Variants in SRGAP1 observed in about 807,000 individuals in gnomAD.
SRGAP1 encodes the protein SLIT-ROBO Rho GTPase-activating protein 1.
Under a neutral mutation model 121.9 loss-of-function variants are expected in SRGAP1, and 43 were observed. The ratio of observed to expected loss-of-function variants is 0.35; its 90% CI spans 0.28 to 0.46. The LOEUF (loss-of-function observed/expected upper bound fraction) is 0.46. Ranked by LOEUF, SRGAP1 falls within the 20% of genes least tolerant of loss-of-function variation. SRGAP1 has a pLI of 1.00. For missense variants in SRGAP1, 1,102 were observed against 1,350.9 expected (o/e 0.82, Z 2.89); for synonymous variants, 447 against 485.4 (o/e 0.92, Z 1.04).
intron 11 of SRGAP1, among the ~76,000 whole-genome samples, chr12:64,090,384 C>T (rs1167397317): frequency 6.6e-6 from 1 of 152,164 alleles, no homozygotes; most frequent in Non-Finnish European, 1.5e-5. Flanking sequence ...ATAGTTTGTT[C>T]TAAAGAAATA....
rs1380341973 is a variant in SRGAP1, at chr12:64,149,132, T to G, written c.*6460T>G. 1.3e-5 allele frequency: 2 copies of G among 152,226 alleles called. No individual in the cohort carries two copies. The highest frequency in any genetic ancestry group is 3.9e-4 in the East Asian group (2 of 5,186). The allele number at this position is 152,226 out of a possible 1,614,324, so 9.4% of individuals were successfully genotyped here. A position where few individuals can be genotyped will look rare whatever the true frequency, so the allele number is the denominator to read the frequency against. ...TCCTGATTAAACTTTGGGTAGTATA[T>G]GCAGATATCTTTAAACATGGAGAAA... is the stretch of plus-strand genomic sequence containing the variant. On this transcript the variant is annotated 3_prime_UTR_variant, in exon 22 of 22. Coordinates refer to ENST00000355086, the MANE Select transcript of SRGAP1 (RefSeq NM_020762.4).
chr12:63,861,045 G>A (rs1000720437), intron 1 of SRGAP1, among the ~76,000 whole-genome samples: 2 of 150,724 alleles, frequency 1.3e-5, no homozygotes, highest in South Asian at 4.2e-4. Flanking sequence ...CCTTTTTAAG[G>A]TTTGTATTTA....
At chr12:63,894,351 T>G (rs1021349007) in intron 1 of SRGAP1, among the ~76,000 whole-genome samples, 2 of 152,042 alleles carry the variant, frequency 1.3e-5, no homozygotes, top group African/African-American at 4.8e-5. Context: ...ACTCTCACAC[T>G]CTCCCCCTCC....
chr12:63,845,191 A>G (rs1898862768), intron 1 of SRGAP1, among the ~76,000 whole-genome samples: 1 of 152,244 alleles, frequency 6.6e-6, no homozygotes, highest in African/African-American at 2.4e-5. Flanking sequence ...GGAAGCAGGC[A>G]GCAGTGGAGG....
intron 15 of SRGAP1, among the ~76,000 whole-genome samples, chr12:64,102,000 A>G (rs1257535772): frequency 4.6e-5 from 7 of 152,232 alleles, no homozygotes; most frequent in Admixed American, 1.3e-4. Context: ...CCAAAATTCC[A>G]TAATTCCACT....
rs143852760 is a variant in SRGAP1 at position 64,003,642 on chromosome 12, G to A, written c.427-13308G>A. Among the ~76,000 whole-genome samples, 548 of 152,094 alleles carry A rather than the reference G, an allele frequency of 3.6e-3. 1 individual carries two copies. Among genetic ancestry groups the A allele is most frequent in the Non-Finnish European group, 6.3e-3 (428 of 67,998 alleles). On this transcript the variant is annotated intron_variant, in intron 3 of 21. Transcript: ENST00000355086. ...AAGGTAGTGTAACAGATATTACCTG[G>A]TCTGAACAACAGAGAGAAAAAATAT...
chr12:64,077,478 A>G (rs1354885458), intron 8 of SRGAP1, among the ~76,000 whole-genome samples: 1 of 148,864 alleles, frequency 6.7e-6, no homozygotes, highest in Non-Finnish European at 1.5e-5. Flanking sequence ...TAATATTTAT[A>G]TATATTCTAT....
In SRGAP1 at chr12:64,161,379, T is replaced by G. The variant is rs2136671690; in HGVS notation, c.*18707T>G. 1 of 152,296 alleles carries G rather than the reference T, an allele frequency of 6.6e-6. No individual in the cohort carries two copies. Among genetic ancestry groups the G allele is most frequent in the South Asian group, 2.1e-4 (1 of 4,820 alleles). 9.4% of individuals were successfully genotyped at this position (152,296 alleles called of 1,614,324 possible). A position where few individuals can be genotyped will look rare whatever the true frequency, so the allele number is the denominator to read the frequency against. ...TAATTTTACTAATTTTCCTCCAGTTTTTCATCTATTTGACTTTTTGCTCTA... is the reference window on the plus strand; with the variant it reads ...TAATTTTACTAATTTTCCTCCAGTTGTTCATCTATTTGACTTTTTGCTCTA... On this transcript the variant is annotated 3_prime_UTR_variant, in exon 22 of 22. Coordinates refer to ENST00000355086, the MANE Select transcript of SRGAP1 (RefSeq NM_020762.4).
At chr12:64,047,535 T>C (rs2035154493) in intron 6 of SRGAP1, among the ~76,000 whole-genome samples, 3 of 152,274 alleles carry the variant, frequency 2.0e-5, no homozygotes, top group Admixed American at 6.5e-5. Context: ...ATGCACAGCA[T>C]TTTGTATGTG....
At chr12:63,945,908 A>AG (rs1436115773) in intron 1 of SRGAP1, among the ~76,000 whole-genome samples, 1 of 151,958 alleles carries the variant, frequency 6.6e-6, no homozygotes, top group East Asian at 1.9e-4. Context: ...GGACTGCAGC[A>AG]TCCTCTGCAA....
intron 1 of SRGAP1, among the ~76,000 whole-genome samples, chr12:63,941,529 A>T (rs2031867902): frequency 6.6e-6 from 1 of 152,194 alleles, no homozygotes; most frequent in Non-Finnish European, 1.5e-5. Flanking sequence ...CTAAAATTGT[A>T]ACTGGGATTT....
intron 3 of SRGAP1, among the ~76,000 whole-genome samples, chr12:64,006,972 G>C (rs1682731532): frequency 6.6e-6 from 1 of 152,036 alleles, no homozygotes. Flanking sequence ...ATCTAATCCT[G>C]ATTCATAGAT....
chr12:64,084,120 G>C (rs2035896923), intron 10 of SRGAP1, among the ~76,000 whole-genome samples: 1 of 152,130 alleles, frequency 6.6e-6, no homozygotes, highest in Non-Finnish European at 1.5e-5. Context: ...CACATTTTAA[G>C]TATTTTATCT....
At position 63,972,838 on chromosome 12, in the gene SRGAP1, G is replaced by C. The variant is rs145914494; in HGVS notation, c.68-11109G>C. On this transcript the variant is annotated intron_variant, in intron 1 of 21. Coordinates refer to ENST00000355086, the MANE Select transcript of SRGAP1 (RefSeq NM_020762.4). Reference sequence around the variant, plus strand: ...TTTTAAAAAATCTGAATTTTGGAGAGTTCTTTTGGCTTTAAGTAAATGATA... The same window carrying C: ...TTTTAAAAAATCTGAATTTTGGAGACTTCTTTTGGCTTTAAGTAAATGATA... Among the ~76,000 whole-genome samples the C allele has an allele frequency of 5.3e-3, 804 of 152,154 alleles. 5 individuals carry two copies. Among genetic ancestry groups the C allele is most frequent in the African/African-American group, 0.018 (736 of 41,516 alleles).
intron 6 of SRGAP1, among the ~76,000 whole-genome samples, chr12:64,052,702 G>C (rs1195984959): frequency 6.6e-6 from 1 of 152,022 alleles, no homozygotes; most frequent in African/African-American, 2.4e-5. Flanking sequence ...CAATATACTT[G>C]TACCTGCCAA....
intron 1 of SRGAP1, among the ~76,000 whole-genome samples, chr12:63,880,526 A>G (rs1592909845): frequency 6.6e-6 from 1 of 152,054 alleles, no homozygotes; most frequent in Non-Finnish European, 1.5e-5. Flanking sequence ...GAGCCACCAC[A>G]CCCAGCCAAA....
chr12:63,946,357 A>G (rs9668851), intron 1 of SRGAP1, among the ~76,000 whole-genome samples: 3,666 of 149,932 alleles, frequency 0.024, 145 homozygotes, highest in African/African-American at 0.086. Flanking sequence ...TTTAAAGTGT[A>G]CAATTTGATG....
intron 1 of SRGAP1, among the ~76,000 whole-genome samples, chr12:63,874,529 A>T (rs1201269627): frequency 6.6e-6 from 1 of 152,306 alleles, no homozygotes; most frequent in East Asian, 1.9e-4. Context: ...AAGAGTATTA[A>T]AGGACAAATG....
At chr12:63,914,383 A>G (rs1037868247) in intron 1 of SRGAP1, among the ~76,000 whole-genome samples, 1 of 152,154 alleles carries the variant, frequency 6.6e-6, no homozygotes, top group East Asian at 1.9e-4. Context: ...TTTTGTTTTT[A>G]GTGACCTGAT....
Sources: allele counts gnomAD v4.1 joint callset (sites outside exome capture counted in the v4.1 genomes callset), GRCh38; gene constraint gnomAD v4.1.1; transcripts MANE v1.5; gene names NCBI Gene and HGNC (gene_info 2026-07-23, HGNC 2026-07-21).